ESR1: variants seen among roughly 807,000 people sequenced by gnomAD.
The protein encoded by ESR1 is estrogen receptor 1.
ESR1 carries 12 observed loss-of-function variants against 52.7 expected under a neutral mutation model. The ratio of observed to expected loss-of-function variants is 0.23; its 90% CI spans 0.15 to 0.37. The LOEUF (loss-of-function observed/expected upper bound fraction) is 0.37. Ranked by LOEUF, ESR1 falls within the 10% of genes least tolerant of loss-of-function variation. The pLI, the probability that ESR1 is intolerant of heterozygous loss-of-function variation, is 1.00. For missense variants in ESR1, 584 were observed against 779.7 expected, an observed-to-expected ratio of 0.75 and a Z score of 2.99; for synonymous variants, 305 against 316.8, an observed-to-expected ratio of 0.96 and a Z score of 0.39.
At chr6:151,847,822 A>G (rs1409539073) in intron 2 of ESR1, among the ~76,000 whole-genome samples, 3 of 148,894 alleles carry the variant, frequency 2.0e-5, no homozygotes, top group Non-Finnish European at 3.0e-5. Flanking sequence ...GCCCACGCCT[A>G]TGTCCTGAAT....
chr6:151,892,805 T>C (rs557873897), intron 3 of ESR1, among the ~76,000 whole-genome samples: 4 of 152,158 alleles, frequency 2.6e-5, no homozygotes, highest in Non-Finnish European at 5.9e-5. Flanking sequence ...ACCAACACAC[T>C]TGAGGCCAGT....
intron 5 of ESR1, among the ~76,000 whole-genome samples, chr6:152,042,937 G>T (rs1425460899): frequency 6.6e-6 from 1 of 152,108 alleles, no homozygotes; most frequent in Admixed American, 6.6e-5. Context: ...TATTACCATT[G>T]TATTTAAATT....
chr6:152,011,660 T>C lies in ESR1; in HGVS notation c.1101T>C (p.Phe367=), dbSNP rs923503257. 1.9e-6 allele frequency: 3 copies of C among 1,613,130 alleles called. No individual in the cohort carries two copies. Among genetic ancestry groups the C allele is most frequent in the Middle Eastern group, 1.6e-4 (1 of 6,072 alleles). Residue 367 remains phenylalanine, a synonymous_variant, in exon 5 of 8, where the codon TTT becomes TTC. Coordinates refer to ENST00000206249, the MANE Select transcript of ESR1 (RefSeq NM_000125.4). The part of the protein sequence containing the change: ...MINWAKRVPG[F]VDLTLHDQVH... ...GTTTTTCTTGCTTGTTTTCAGGCTTTGTGGATTTGACCCTCCATGATCAGG... is the reference window on the plus strand; with the variant it reads ...GTTTTTCTTGCTTGTTTTCAGGCTTCGTGGATTTGACCCTCCATGATCAGG...
At chr6:152,113,078 G>GC (rs5880956) in intron 6 of ESR1, 152,558 of 152,562 alleles carry the variant, frequency 1, 76,277 homozygotes, top group Middle Eastern at 1. Context: ...AAAGGCCGGG[G>GC]CGCTGCCTGT....
chr6:152,045,616 C>A (rs371251149), intron 5 of ESR1, among the ~76,000 whole-genome samples: 5 of 152,040 alleles, frequency 3.3e-5, no homozygotes, highest in African/African-American at 9.7e-5. Flanking sequence ...CAGTACCTTT[C>A]TCGTGGAGTT....
At chr6:152,075,079 C>T (rs922799260) in intron 6 of ESR1, among the ~76,000 whole-genome samples, 3 of 152,188 alleles carry the variant, frequency 2.0e-5, no homozygotes, top group African/African-American at 7.2e-5. Context: ...TTTACACTTT[C>T]TTCTGCTGAA....
chr6:151,802,578 C>T (rs1467893125), upstream of ESR1, among the ~76,000 whole-genome samples: 3 of 152,194 alleles, frequency 2.0e-5, no homozygotes, highest in African/African-American at 7.2e-5. Context: ...ATTCAGAGCT[C>T]TCTTGTGAAT....
chr6:151,906,963 T>C (rs1797554969), intron 3 of ESR1, among the ~76,000 whole-genome samples: 1 of 151,888 alleles, frequency 6.6e-6, no homozygotes, highest in Non-Finnish European at 1.5e-5. Flanking sequence ...CTTAATTTTT[T>C]TCCATTGAAT....
intron 2 of ESR1, among the ~76,000 whole-genome samples, chr6:151,744,857 G>T (rs1056409691): frequency 6.6e-6 from 1 of 152,144 alleles, no homozygotes; most frequent in African/African-American, 2.4e-5. Context: ...TTATATTTAG[G>T]TCTGATTCAT....
chr6:152,128,709 A>G (rs2054370208), exon 7 of ESR1: 2 of 152,238 alleles, frequency 1.3e-5, no homozygotes, highest in South Asian at 4.1e-4. Context: ...ATTCTAAACT[A>G]TTTATGCTTC....
chr6:152,020,054 T>A (rs2043497893), intron 5 of ESR1, among the ~76,000 whole-genome samples: 2 of 152,208 alleles, frequency 1.3e-5, no homozygotes, highest in South Asian at 4.1e-4. Flanking sequence ...CAGGGCATTC[T>A]AAGCAGGCCC....
At chr6:151,736,131 G>A (rs1373776226) in intron 2 of ESR1, among the ~76,000 whole-genome samples, 2 of 152,064 alleles carry the variant, frequency 1.3e-5, no homozygotes, top group African/African-American at 4.8e-5. Context: ...TATAATAGAA[G>A]GCTCTTTACC....
intron 5 of ESR1, among the ~76,000 whole-genome samples, chr6:152,034,695 T>G (rs1438441589): frequency 6.6e-6 from 1 of 152,234 alleles, no homozygotes; most frequent in Non-Finnish European, 1.5e-5. Flanking sequence ...CTGAAATAAC[T>G]GGGCTACAGT....
At chr6:151,707,741 A>T (rs1360509590) in intron 2 of ESR1, among the ~76,000 whole-genome samples, 1 of 152,062 alleles carries the variant, frequency 6.6e-6, no homozygotes, top group African/African-American at 2.4e-5. Context: ...TCCTTTTAAA[A>T]CATGATTGTA....
intron 1 of ESR1, among the ~76,000 whole-genome samples, chr6:151,832,468 C>A (rs1782601477): frequency 6.6e-6 from 1 of 152,162 alleles, no homozygotes; most frequent in Non-Finnish European, 1.5e-5. Context: ...ATGTTATGGT[C>A]ACAGACACAA....
intron 3 of ESR1, among the ~76,000 whole-genome samples, chr6:151,941,731 G>A (rs1020580684): frequency 2.0e-5 from 3 of 152,050 alleles, no homozygotes; most frequent in East Asian, 1.9e-4. Flanking sequence ...ACCCCTCATC[G>A]TCTCCTATGA....
chr6:151,933,532 C>T (rs1437147404), intron 3 of ESR1, among the ~76,000 whole-genome samples: 1 of 151,448 alleles, frequency 6.6e-6, no homozygotes, highest in African/African-American at 2.4e-5. Context: ...TGTCTTGTGC[C>T]AGTTTTCAAA....
chr6:152,040,806 C>A (rs2045724731), intron 5 of ESR1, among the ~76,000 whole-genome samples: 1 of 152,204 alleles, frequency 6.6e-6, no homozygotes, highest in Non-Finnish European at 1.5e-5. Flanking sequence ...AGGGAACTCC[C>A]CATGAGGCCA....
At chr6:151,977,260 T>C (rs180795603) in intron 4 of ESR1, among the ~76,000 whole-genome samples, 1 of 152,002 alleles carries the variant, frequency 6.6e-6, no homozygotes, top group East Asian at 1.9e-4. Context: ...AAATGGTAAA[T>C]CCGTGGTGAC....
Sources: allele counts gnomAD v4.1 joint callset (sites outside exome capture counted in the v4.1 genomes callset), GRCh38; gene constraint gnomAD v4.1.1; transcripts MANE v1.5; gene names NCBI Gene and HGNC (gene_info 2026-07-23, HGNC 2026-07-21).